The following DSTYK variants were observed in gnomAD, a reference collection of about 807,000 sequenced individuals.
The protein encoded by DSTYK is RIP-homologous kinase.
DSTYK carries 34 observed loss-of-function variants against 98.7 expected under a neutral mutation model. The ratio of observed to expected loss-of-function variants is 0.34; its 90% CI spans 0.26 to 0.46. The LOEUF is 0.46. DSTYK is among the 20% of genes least tolerant of loss of function. The pLI is 1.00. For synonymous variants in DSTYK, 462 were observed against 457.3 expected, an observed-to-expected ratio of 1.01 and a Z score of -0.13; for missense variants, 962 against 1,181.7, an observed-to-expected ratio of 0.81 and a Z score of 2.73.
chr1:205,185,158 G>A lies in DSTYK; in HGVS notation c.654+2260C>T, dbSNP rs556235319. 9.5e-4 allele frequency among the ~76,000 whole-genome samples: 145 copies of A among 152,160 alleles called. 1 individual carries two copies. Among genetic ancestry groups the A allele is most frequent in the African/African-American group, 3.3e-3 (135 of 41,514 alleles). On this transcript the variant is annotated intron_variant, in intron 2 of 12. Transcript: ENST00000367162. The stretch of plus-strand genomic sequence containing the variant: ...GGAGGTTGCAGTGAGCCAAGACTGC[G>A]CTACTGTACTCCAGCCTGGGCCACA...
At chr1:205,167,126 T>C (rs906041873) in intron 3 of DSTYK, among the ~76,000 whole-genome samples, 1 of 152,250 alleles carries the variant, frequency 6.6e-6, no homozygotes, top group African/African-American at 2.4e-5. Flanking sequence ...CTAGGTGTGA[T>C]GGCTCATGCC....
At chr1:205,170,721 T>G (rs1197642246) in intron 2 of DSTYK, among the ~76,000 whole-genome samples, 1 of 152,174 alleles carries the variant, frequency 6.6e-6, no homozygotes, top group Non-Finnish European at 1.5e-5. Flanking sequence ...ATGTTATAAG[T>G]GAAGGCAATG....
At position 205,211,675 on chromosome 1, in the gene DSTYK, G is replaced by A. The variant is rs1659392505; in HGVS notation, c.-140C>T. 5 of 1,184,286 alleles carry A rather than the reference G, an allele frequency of 4.2e-6. No individual in the cohort carries two copies. The highest frequency in any genetic ancestry group is 3.0e-4 in the Middle Eastern group (1 of 3,384). The allele number at this position is 1,184,286 out of a possible 1,614,324, so 73.4% of individuals were successfully genotyped here. A position where few individuals can be genotyped will look rare whatever the true frequency, so the allele number is the denominator to read the frequency against. ...GCAGTCAGCCTGGCTCCCAACCTCC[G>A]TCACTGCCGTTGCAAACAAACCAAA... On this transcript the variant is annotated 5_prime_UTR_variant, in exon 1 of 13. It adds an upstream start codon to the 5' untranslated region. Coordinates refer to ENST00000367162, the MANE Select transcript of DSTYK (RefSeq NM_015375.3).
intron 1 of DSTYK, among the ~76,000 whole-genome samples, chr1:205,196,051 G>C (rs1658856820): frequency 6.6e-6 from 1 of 152,172 alleles, no homozygotes; most frequent in Non-Finnish European, 1.5e-5. Flanking sequence ...CCAAAGGTGG[G>C]AATATGTCAA....
At chr1:205,196,047 G>C (rs1658856472) in intron 1 of DSTYK, among the ~76,000 whole-genome samples, 1 of 152,174 alleles carries the variant, frequency 6.6e-6, no homozygotes, top group Non-Finnish European at 1.5e-5. Flanking sequence ...TGATCCAAAG[G>C]TGGGAATATG....
chr1:205,211,642 C>A lies in DSTYK; in HGVS notation c.-107G>T. The A allele has an allele frequency of 7.4e-7, 1 of 1,359,444 alleles. No homozygotes were observed. The highest frequency in any genetic ancestry group is 9.5e-7 in the Non-Finnish European group (1 of 1,049,842). The allele number at this position is 1,359,444 out of a possible 1,614,324, so 84.2% of individuals were successfully genotyped here. On this transcript the variant is annotated 5_prime_UTR_variant, in exon 1 of 13. Coordinates refer to ENST00000367162, the MANE Select transcript of DSTYK (RefSeq NM_015375.3). Reference sequence around the variant, plus strand: ...GGAGGAGGAATCCGCCTCCTGACGCCCCCGCCTGCAGTCAGCCTGGCTCCC... The same window carrying A: ...GGAGGAGGAATCCGCCTCCTGACGCACCCGCCTGCAGTCAGCCTGGCTCCC...
At chr1:205,165,607 G>C (rs1657863636) in intron 3 of DSTYK, among the ~76,000 whole-genome samples, 1 of 152,152 alleles carries the variant, frequency 6.6e-6, no homozygotes, top group African/African-American at 2.4e-5. Context: ...CACTTCTTCA[G>C]AGGAAATTTG....
intron 3 of DSTYK, among the ~76,000 whole-genome samples, chr1:205,166,508 C>G (rs959206231): frequency 6.6e-6 from 1 of 151,916 alleles, no homozygotes; most frequent in Admixed American, 6.6e-5. Context: ...AGAATATGTG[C>G]TAGCTTGCTT....
At chr1:205,203,651 C>T (rs1478157503) in intron 1 of DSTYK, among the ~76,000 whole-genome samples, 3 of 151,418 alleles carry the variant, frequency 2.0e-5, no homozygotes, top group Non-Finnish European at 4.4e-5. Context: ...CAAGGTGGCT[C>T]ATGCCTGTAA....
At chr1:205,148,398 C>T (rs896032322) in intron 11 of DSTYK, 59 bp from the exon 12 acceptor site, 7 of 1,601,858 alleles carry the variant, frequency 4.4e-6, no homozygotes, top group Non-Finnish European at 2.5e-6. Flanking sequence ...GCAGCATCTA[C>T]ACCACCTTGC....
At chr1:205,165,243 C>T (rs1657853152) in intron 3 of DSTYK, among the ~76,000 whole-genome samples, 1 of 152,048 alleles carries the variant, frequency 6.6e-6, no homozygotes, top group South Asian at 2.1e-4. Context: ...CAGGCACCCA[C>T]CACCACGCCA....
At chr1:205,159,382 C>T (rs1290071366) in intron 9 of DSTYK, among the ~76,000 whole-genome samples, 165 bp downstream of exon 9, 3 of 152,216 alleles carry the variant, frequency 2.0e-5, no homozygotes, top group Non-Finnish European at 1.5e-5. Flanking sequence ...AGCCACCATG[C>T]CCAGCTGAGA....
At chr1:205,166,838 G>C (rs563440620) in intron 3 of DSTYK, among the ~76,000 whole-genome samples, 1 of 152,266 alleles carries the variant, frequency 6.6e-6, no homozygotes, top group Non-Finnish European at 1.5e-5. Flanking sequence ...GTATTTATAA[G>C]TGTAACTTAA....
chr1:205,167,691 A>C (rs1657929152), intron 3 of DSTYK, among the ~76,000 whole-genome samples: 1 of 152,234 alleles, frequency 6.6e-6, no homozygotes, highest in Admixed American at 6.5e-5. Flanking sequence ...TAGGAGTTAA[A>C]CTTAGTCTGT....
At chr1:205,193,644 G>T (rs1658776571) in intron 1 of DSTYK, among the ~76,000 whole-genome samples, 1 of 152,164 alleles carries the variant, frequency 6.6e-6, no homozygotes, top group Non-Finnish European at 1.5e-5. Flanking sequence ...GCCCAGGTGG[G>T]TGGATCACTT....
At chr1:205,184,499 G>C (rs1658510591) in intron 2 of DSTYK, among the ~76,000 whole-genome samples, 1 of 151,934 alleles carries the variant, frequency 6.6e-6, no homozygotes, top group South Asian at 2.1e-4. Context: ...TTGAACCCGG[G>C]AGGCAGAGGC....
intron 10 of DSTYK, among the ~76,000 whole-genome samples, chr1:205,152,168 A>G (rs1389827815): frequency 6.6e-6 from 1 of 152,016 alleles, no homozygotes; most frequent in Admixed American, 6.6e-5. Flanking sequence ...AGTCCATTAT[A>G]ATCTTTTTTG....
At position 205,147,612 on chromosome 1, in the gene DSTYK, C is replaced by A. The variant is rs1657275750; in HGVS notation, c.2736G>T (p.Arg912=). ...VQPMLQGIMN[R]LCKSNSEQPN... ...GCTGCTCAGAATTGGACTTGCAGAG[C>A]CGATTCATGATGCCCTGGAGCATGG... The change falls in exon 13 of 13, where the codon CGG becomes CGT. Residue 912 remains arginine (R), a synonymous_variant. Transcript: ENST00000367162. 6.2e-7 allele frequency: 1 copy of A among 1,613,992 alleles called. No homozygotes were observed. Among genetic ancestry groups the A allele is most frequent in the Non-Finnish European group, 8.5e-7 (1 of 1,179,854 alleles).
At chr1:205,160,349 T>C (rs1657681069) in intron 7 of DSTYK, 79 bp from the exon 8 acceptor site, 1 of 1,411,772 alleles carries the variant, frequency 7.1e-7, no homozygotes, top group Admixed American at 2.1e-5. Flanking sequence ...TTTTTTTTTT[T>C]TTTTGAGACA....
Sources: gnomAD v4.1 joint callset for allele counts (sites outside exome capture counted in the v4.1 genomes callset) on GRCh38, gnomAD v4.1.1 for gene constraint, MANE v1.5 for transcripts, NCBI Gene and HGNC (gene_info 2026-07-23, HGNC 2026-07-21) for gene names.